FLNB: variants seen among roughly 807,000 people sequenced by gnomAD.
The protein encoded by FLNB is filamin B, also known as filamin-B.
A neutral mutation model predicts 250.6 loss-of-function variants in FLNB; 111 were observed. The ratio of observed to expected loss-of-function variants is 0.44; its 90% CI spans 0.38 to 0.52. The LOEUF is 0.52. Among genes scored for constraint, FLNB ranks in the 20% least tolerant of loss-of-function variants. The pLI is 0.00. For missense variants in FLNB, 2,869 were observed against 3,447.8 expected (o/e 0.83, Z 4.20); for synonymous variants, 1,302 against 1,372.1 (o/e 0.95, Z 1.13).
chr3:58,156,526 A>T (rs1206365860), intron 41 of FLNB, among the ~76,000 whole-genome samples: 1 of 152,210 alleles, frequency 6.6e-6, no homozygotes, highest in Non-Finnish European at 1.5e-5. Context: ...AACTATATTA[A>T]GAGCTTTATC....
chr3:58,076,242 G>A (rs1435100458), intron 1 of FLNB, among the ~76,000 whole-genome samples: 3 of 152,114 alleles, frequency 2.0e-5, no homozygotes, highest in African/African-American at 7.2e-5. Flanking sequence ...TTTTTATAGG[G>A]AAAAGATATC....
At position 58,142,664 on chromosome 3, in the gene FLNB, C is replaced by G. The variant is rs1425159521; in HGVS notation, c.5196C>G (p.Ala1732=). 9 of 1,614,044 alleles carry G rather than the reference C, an allele frequency of 5.6e-6. No individual in the cohort carries two copies. The highest frequency in any genetic ancestry group is 7.6e-6 in the Non-Finnish European group (9 of 1,179,866). Residue 1732 remains alanine, a synonymous_variant, in exon 31 of 46, where the codon GCC becomes GCG. Coordinates refer to ENST00000295956, the MANE Select transcript of FLNB (RefSeq NM_001457.4). The surrounding 1 kb of genome is among the most constrained non-coding windows in gnomAD (Gnocchi z 4.3). The part of the protein sequence containing the change: ...PGFRPWVTEE[A]YVPVSDMNGL... ...TCTGTTTTTAGGTGACCGAAGAGGC[C>G]TATGTCCCAGTGAGTGACATGAACG...
Position 58,169,168 on chromosome 3 carries a change from A to T in FLNB, c.7418-422A>T, listed in dbSNP as rs1367323246. ...AATGTAGGTTCATCGCAGGAAAATT[A>T]GAAAATTCAGATAGAAAAATCATCC... is the stretch of plus-strand genomic sequence containing the variant. On this transcript the variant is annotated intron_variant, in intron 44 of 45. Coordinates refer to ENST00000295956, the MANE Select transcript of FLNB (RefSeq NM_001457.4). The surrounding 1 kb of genome is among the most constrained non-coding windows in gnomAD (Gnocchi z 4.8). 1 of 271,522 alleles carries T rather than the reference A, an allele frequency of 3.7e-6. No homozygotes were observed. Among genetic ancestry groups the T allele is most frequent in the African/African-American group, 2.2e-5 (1 of 45,380 alleles). The allele number at this position is 271,522 out of a possible 1,614,324, so 16.8% of individuals were successfully genotyped here.
chr3:58,095,015 T>A, intron 5 of FLNB, 61 bp downstream of exon 5: 2 of 1,287,064 alleles, frequency 1.6e-6, no homozygotes, highest in Non-Finnish European at 2.3e-6. Context: ...GGGCTTGTAA[T>A]GCGGCCAGGG....
At chr3:58,025,133 C>CTTTCTTT (rs367640675) in intron 1 of FLNB, among the ~76,000 whole-genome samples, 2 of 116,550 alleles carry the variant, frequency 1.7e-5, no homozygotes, top group Admixed American at 1.1e-4. Flanking sequence ...TTCTTTCTTT[C>CTTTCTTT]TTTTTTTTTT....
At chr3:58,108,256 TCC>T (rs2097262990) in intron 12 of FLNB, among the ~76,000 whole-genome samples, 200 bp from the exon 13 acceptor site, 1 of 152,226 alleles carries the variant, frequency 6.6e-6, no homozygotes, top group South Asian at 2.1e-4. Flanking sequence ...GAGAGTTTTC[TCC>T]CTTATGAGGG....
chr3:58,169,837 G>A lies in FLNB; in HGVS notation c.7621+44G>A. ...TCAAGGGTGGGGTGGGGCAGGGGCAGGCTGGGCACCCTGGGTACACTGGCC... is the reference window on the plus strand; with the variant it reads ...TCAAGGGTGGGGTGGGGCAGGGGCAAGCTGGGCACCCTGGGTACACTGGCC... On this transcript the variant is annotated intron_variant, in intron 45 of 45. Coordinates refer to ENST00000295956, the MANE Select transcript of FLNB (RefSeq NM_001457.4). This position sits in a 1 kb window ranked among gnomAD's most constrained non-coding sequence, Gnocchi z 4.8. 6.6e-7 allele frequency: 1 copy of A among 1,518,186 alleles called. No homozygotes were observed. Among genetic ancestry groups the A allele is most frequent in the Non-Finnish European group, 9.1e-7 (1 of 1,098,312 alleles). The allele number at this position is 1,518,186 out of a possible 1,614,324, so 94.0% of individuals were successfully genotyped here.
intron 8 of FLNB, among the ~76,000 whole-genome samples, chr3:58,100,373 A>AAAAAAAATACATATATATATATAT: frequency 1.5e-4 from 16 of 104,346 alleles, no homozygotes; most frequent in African/African-American, 6.8e-4. Context: ...GTAAAAAAAA[A>AAAAAAAATACATATATATATATAT]ATATATATAT....
At chr3:58,065,998 C>T (rs1310817846) in intron 1 of FLNB, among the ~76,000 whole-genome samples, 2 of 152,176 alleles carry the variant, frequency 1.3e-5, no homozygotes, top group African/African-American at 4.8e-5. Flanking sequence ...CTCTTGGGGG[C>T]TGGGCTCTGA....
chr3:58,114,258 A>G (rs998913616), intron 18 of FLNB, among the ~76,000 whole-genome samples: 1 of 152,038 alleles, frequency 6.6e-6, no homozygotes, highest in Non-Finnish European at 1.5e-5. Flanking sequence ...GGCACGTGCC[A>G]CCATGCCCAG....
At chr3:58,078,233 C>G in intron 2 of FLNB, 3 of 1,339,804 alleles carry the variant, frequency 2.2e-6, no homozygotes, top group Non-Finnish European at 2.9e-6. Context: ...ATACCTCTTT[C>G]CAATTTAAAC....
intron 18 of FLNB, among the ~76,000 whole-genome samples, chr3:58,113,368 G>A (rs1393753881): frequency 6.6e-6 from 1 of 152,234 alleles, no homozygotes; most frequent in Non-Finnish European, 1.5e-5. Context: ...AATGCCATTT[G>A]TAGGAGAAGA....
chr3:58,164,485 G>A lies in FLNB; in HGVS notation c.7198+1155G>A, dbSNP rs764252813. On this transcript the variant is annotated intron_variant, in intron 43 of 45. Transcript: ENST00000295956. This position sits in a 1 kb window ranked among gnomAD's most constrained non-coding sequence, Gnocchi z 4.0. ...CACCCCGCATAAGGAGAGTGGGATG[G>A]AGCAGACTTGCCTCCCAGGGGTGAG... 2.6e-5 allele frequency: 4 copies of A among 152,314 alleles called. No individual in the cohort carries two copies. Among genetic ancestry groups the A allele is most frequent in the Non-Finnish European group, 5.9e-5 (4 of 68,126 alleles). The allele number at this position is 152,314 out of a possible 1,614,324, so 9.4% of individuals were successfully genotyped here. A position where few individuals can be genotyped will look rare whatever the true frequency, so the allele number is the denominator to read the frequency against.
chr3:58,121,329 C>T lies in FLNB; in HGVS notation c.2952C>T (p.Pro984=). 6.2e-7 allele frequency: 1 copy of T among 1,614,160 alleles called. No homozygotes were observed. The highest frequency in any genetic ancestry group is 8.5e-7 in the Non-Finnish European group (1 of 1,180,026). The part of the protein sequence containing the change: ...QGKLDVTILS[P]SRKVVPCLVT... ...AGCTGGACGTGACAATCCTCAGCCC[C>T]TCTCGGAAGGTCGTGCCATGCCTAG... The change falls in exon 20 of 46, where the codon CCC becomes CCT. Residue 984 remains proline (P), a synonymous_variant. Coordinates refer to ENST00000295956, the MANE Select transcript of FLNB (RefSeq NM_001457.4).
intron 1 of FLNB, among the ~76,000 whole-genome samples, chr3:58,020,221 TG>T (rs1172675301): frequency 6.6e-6 from 1 of 152,190 alleles, no homozygotes; most frequent in Non-Finnish European, 1.5e-5. Flanking sequence ...CTTGTTTAAC[TG>T]GTGGGAGGGT....
intron 7 of FLNB, 99 bp from the exon 8 acceptor site, chr3:58,098,612 C>A: frequency 1.7e-6 from 2 of 1,149,322 alleles, no homozygotes; most frequent in Non-Finnish European, 1.3e-6. Context: ...GGATTACAAG[C>A]ATGAGCCACC....
At position 58,077,026 on chromosome 3, in the gene FLNB, G is replaced by A. The variant is rs959936069; in HGVS notation, c.293-20G>A. On this transcript the variant is annotated intron_variant, in intron 1 of 45. Coordinates refer to ENST00000295956, the MANE Select transcript of FLNB (RefSeq NM_001457.4). Reference sequence around the variant, plus strand: ...TTGTGTAACCCAAAGGAATGACCAAGCCTGTGCTTCTCTCCCCAGATAGCA... The same window carrying A: ...TTGTGTAACCCAAAGGAATGACCAAACCTGTGCTTCTCTCCCCAGATAGCA... 3.7e-6 allele frequency: 6 copies of A among 1,613,948 alleles called. No individual in the cohort carries two copies. Among genetic ancestry groups the A allele is most frequent in the Non-Finnish European group, 1.7e-6 (2 of 1,179,924 alleles).
intron 18 of FLNB, among the ~76,000 whole-genome samples, chr3:58,115,166 C>A (rs2097275765): frequency 6.6e-6 from 1 of 152,118 alleles, no homozygotes; most frequent in African/African-American, 2.4e-5. Flanking sequence ...CTCATCAGGC[C>A]ACTCAATAGT....
At chr3:58,126,249 C>T (rs530350446) in intron 23 of FLNB, among the ~76,000 whole-genome samples, 6 of 152,196 alleles carry the variant, frequency 3.9e-5, no homozygotes, top group Admixed American at 3.3e-4. Context: ...TGGTAGTACA[C>T]GCCTGTAATC....
Sources: gnomAD v4.1 joint callset for allele counts (sites outside exome capture counted in the v4.1 genomes callset) on GRCh38, gnomAD v4.1.1 for gene constraint, Gnocchi (gnomAD v3.1) non-coding constraint, MANE v1.5 for transcripts, NCBI Gene and HGNC (gene_info 2026-07-23, HGNC 2026-07-21) for gene names.